ITCH: variants seen among roughly 807,000 people sequenced by gnomAD.
ITCH encodes E3 ubiquitin-protein ligase Itchy homolog.
In ITCH, 28 loss-of-function variants were observed where a neutral mutation model predicts 126.8. The ratio of observed to expected loss-of-function variants is 0.22; its 90% CI spans 0.16 to 0.30. The LOEUF (loss-of-function observed/expected upper bound fraction) is 0.30, where lower values mean the gene tolerates loss of function less well. Ranked by LOEUF, ITCH falls within the 10% of genes least tolerant of loss-of-function variation. The probability of loss-of-function intolerance (pLI) is 1.00; values close to 1 mark genes in which losing one functional copy is unlikely to be tolerated. For synonymous variants in ITCH, 342 were observed against 340.0 expected (o/e 1.01, Z -0.06); for missense variants, 631 against 1,032.4 (o/e 0.61, Z 5.33).
chr20:34,491,408 TG>T (rs1230002649), intron 22 of ITCH, among the ~76,000 whole-genome samples: 1 of 151,988 alleles, frequency 6.6e-6, no homozygotes, highest in Non-Finnish European at 1.5e-5. Flanking sequence ...GGAGCAAAAA[TG>T]GGAAGTTGTG....
intron 3 of ITCH, among the ~76,000 whole-genome samples, chr20:34,400,985 C>T (rs2038863980): frequency 6.6e-6 from 1 of 152,102 alleles, no homozygotes; most frequent in Non-Finnish European, 1.5e-5. Context: ...TCTCAAAATC[C>T]TGACCTCAAG....
In ITCH at chr20:34,480,721, C is replaced by G; in HGVS notation, c.1941C>G (p.Leu647=). ...TTGATCCAGAATTTTACAATTCTCT[C>G]ATCTGGGTTAAGTAAGTTTCTTTTT... The part of the protein sequence containing the change: ...ESIDPEFYNS[L]IWVKENNIEE... The change falls in exon 19 of 25, where the codon CTC becomes CTG. Residue 647 remains leucine (L), a synonymous_variant. Coordinates refer to ENST00000374864, the MANE Select transcript of ITCH (RefSeq NM_031483.7). 1 of 1,605,196 alleles carries G rather than the reference C, an allele frequency of 6.2e-7. No individual in the cohort carries two copies. Among genetic ancestry groups the G allele is most frequent in the Non-Finnish European group, 8.5e-7 (1 of 1,172,530 alleles).
chr20:34,439,356 T>C (rs1983438946), intron 8 of ITCH, among the ~76,000 whole-genome samples: 1 of 152,202 alleles, frequency 6.6e-6, no homozygotes, highest in Admixed American at 6.5e-5. Context: ...CACTGCCACC[T>C]CTACTTCCCA....
intron 24 of ITCH, among the ~76,000 whole-genome samples, chr20:34,507,263 GTTTTTTTT>G (rs776161631): frequency 1.5e-4 from 6 of 39,162 alleles, no homozygotes; most frequent in Admixed American, 2.4e-4. Context: ...GTTTTCTTCT[GTTTTTTTT>G]TTTTTTTTTT....
intron 12 of ITCH, among the ~76,000 whole-genome samples, chr20:34,456,413 AT>A (rs1986003825): frequency 6.8e-6 from 1 of 147,720 alleles, no homozygotes; most frequent in Non-Finnish European, 1.5e-5. Flanking sequence ...TGGTATCCTA[AT>A]TTTTTTATTT....
At chr20:34,424,586 T>A in intron 7 of ITCH, 61 bp downstream of exon 7, 1 of 1,354,248 alleles carries the variant, frequency 7.4e-7, no homozygotes, top group Non-Finnish European at 1.1e-6. Context: ...AAATATTCAT[T>A]TTAGTGTAAA....
chr20:34,466,627 A>G (rs534922253), intron 14 of ITCH, among the ~76,000 whole-genome samples: 23 of 152,308 alleles, frequency 1.5e-4, no homozygotes, highest in African/African-American at 5.5e-4. Context: ...TGGTTTATGT[A>G]AGATAGAAGT....
intron 16 of ITCH, among the ~76,000 whole-genome samples, chr20:34,472,433 A>T (rs964017241): frequency 3.3e-5 from 5 of 151,852 alleles, no homozygotes; most frequent in African/African-American, 9.7e-5. Flanking sequence ...TATCTTGCAG[A>T]TATTACTAAT....
intron 6 of ITCH, 142 bp downstream of exon 6, chr20:34,414,021 T>A: frequency 2.9e-6 from 2 of 687,662 alleles, no homozygotes; most frequent in South Asian, 3.8e-5. Flanking sequence ...CTCACGCCTC[T>A]AATCCCAGCA....
intron 20 of ITCH, among the ~76,000 whole-genome samples, chr20:34,482,658 TG>T (rs994995238): frequency 2.0e-5 from 3 of 152,214 alleles, no homozygotes; most frequent in African/African-American, 7.2e-5. Flanking sequence ...TTTCATGGGC[TG>T]GCGTTGAGTG....
chr20:34,375,695 AATTTTTTTTT>A (rs1219159801), intron 2 of ITCH, among the ~76,000 whole-genome samples: 23 of 135,082 alleles, frequency 1.7e-4, no homozygotes, highest in African/African-American at 6.2e-4. Flanking sequence ...TGGTAGTTAA[AATTTTTTTTT>A]TTTTTTTTTT....
At chr20:34,474,951 G>T (rs556503581) in intron 16 of ITCH, among the ~76,000 whole-genome samples, 2 of 150,404 alleles carry the variant, frequency 1.3e-5, no homozygotes, top group East Asian at 4.0e-4. Flanking sequence ...GGGTGGCTGG[G>T]CAGAGATGCT....
At chr20:34,434,334 T>A (rs1982729107) in intron 7 of ITCH, among the ~76,000 whole-genome samples, 2 of 152,000 alleles carry the variant, frequency 1.3e-5, no homozygotes, top group African/African-American at 4.8e-5. Flanking sequence ...GCACTAACTA[T>A]ATTAACTGCA....
intron 23 of ITCH, among the ~76,000 whole-genome samples, chr20:34,502,982 A>C (rs1990356216): frequency 6.6e-6 from 1 of 152,218 alleles, no homozygotes; most frequent in Non-Finnish European, 1.5e-5. Flanking sequence ...ACTGCCATCC[A>C]GCCAGGGTGA....
intron 22 of ITCH, 74 bp from the exon 23 acceptor site, chr20:34,492,427 T>C (rs1989580834): frequency 1.0e-6 from 1 of 988,132 alleles, no homozygotes; most frequent in Admixed American, 1.8e-5. Context: ...TTTGAAATCA[T>C]TATTTTTCTT....
Position 34,478,522 on chromosome 20 carries a change from AGGACTTTG to A in ITCH, c.1658+665_1658+672del, listed in dbSNP as rs559621042. ...GTAGAGCTGGCATTGTGCAAAGACA[AGGACTTTG>A]GGGTCAAGACGGGATTTGAATCTTT... On this transcript the variant is annotated intron_variant, in intron 17 of 24. Coordinates refer to ENST00000374864, the MANE Select transcript of ITCH (RefSeq NM_031483.7). Among the ~76,000 whole-genome samples, 37 of 152,332 alleles carry A rather than the reference AGGACTTTG, an allele frequency of 2.4e-4. No homozygotes were observed. The East Asian group carries it at 7.1e-3, about 29-fold the overall frequency.
At chr20:34,499,676 C>T (rs538592251) in intron 23 of ITCH, among the ~76,000 whole-genome samples, 1 of 150,602 alleles carries the variant, frequency 6.6e-6, no homozygotes, top group Non-Finnish European at 1.5e-5. Context: ...TCATTTTTAG[C>T]CTCATTTTTG....
Position 34,508,341 on chromosome 20 carries a change from TG to T in ITCH, c.*549del. ...GGCGCATGAATCCATACATCATTCC[TG>T]GAAGTGAGGCAAGACTCTTGCATCT... On this transcript the variant is annotated 3_prime_UTR_variant, in exon 25 of 25. Transcript: ENST00000374864. The T allele has an allele frequency of 6.1e-6, 1 of 163,054 alleles. No individual in the cohort carries two copies. The highest frequency in any genetic ancestry group is 1.7e-4 in the East Asian group (1 of 5,932). 10.1% of individuals were successfully genotyped at this position (163,054 alleles called of 1,614,324 possible). A position where few individuals can be genotyped will look rare whatever the true frequency, so the allele number is the denominator to read the frequency against.
chr20:34,368,855 T>C (rs2037515309), intron 1 of ITCH, among the ~76,000 whole-genome samples: 1 of 152,208 alleles, frequency 6.6e-6, no homozygotes, highest in Admixed American at 6.6e-5. Context: ...ATGGCCATCC[T>C]CATTTTGCCA....
Sources: allele counts gnomAD v4.1 joint callset (sites outside exome capture counted in the v4.1 genomes callset), GRCh38; gene constraint gnomAD v4.1.1; transcripts MANE v1.5; gene names NCBI Gene and HGNC (gene_info 2026-07-23, HGNC 2026-07-21).